ARPP21: variants seen among roughly 807,000 people sequenced by gnomAD.
ARPP21 encodes the protein cAMP regulated phosphoprotein 21.
Under a neutral mutation model 113.2 loss-of-function variants are expected in ARPP21, and 69 were observed. The observed-to-expected ratio is 0.61, with a 90% CI of 0.50 to 0.74. The LOEUF (loss-of-function observed/expected upper bound fraction) is 0.74. Among genes scored for constraint, ARPP21 ranks in the 30% least tolerant of loss-of-function variants. ARPP21 has a pLI of 0.00. For synonymous variants in ARPP21, 368 were observed against 375.5 expected (o/e 0.98, Z 0.23); for missense variants, 1,070 against 1,037.4 (o/e 1.03, Z -0.43).
intron 5 of ARPP21, chr3:35,684,285 G>A: frequency 1.7e-6 from 2 of 1,149,372 alleles, no homozygotes; most frequent in African/African-American, 1.6e-5. Context: ...TAACTTTGGA[G>A]AAATACTTTT....
At chr3:35,776,886 C>G (rs2096386458) in intron 19 of ARPP21, among the ~76,000 whole-genome samples, 1 of 152,120 alleles carries the variant, frequency 6.6e-6, no homozygotes, top group Non-Finnish European at 1.5e-5. Flanking sequence ...TTAGGACCAG[C>G]TTGACCTTCC....
In ARPP21 at chr3:35,667,841, A is replaced by AAAGAAGAAGAAGAAG. The variant is rs757542723; in HGVS notation, c.-212-11911_-212-11897dup. Among the ~76,000 whole-genome samples, 762 of 81,436 alleles carry AAAGAAGAAGAAGAAG rather than the reference A, an allele frequency of 9.4e-3. 39 individuals are homozygous for AAAGAAGAAGAAGAAG. The highest frequency in any genetic ancestry group is 0.038 in the Middle Eastern group (6 of 158). 53.4% of individuals were successfully genotyped at this position (81,436 alleles called of 152,430 possible). ...GATCACCTGCAGTACTTTTATTCTC[A>AAAGAAGAAGAAGAAG]AAGAAGAAGAAGAAGAAGAAGAAGA... On this transcript the variant is annotated intron_variant, in intron 1 of 20. Transcript: ENST00000684406.
intron 1 of ARPP21, among the ~76,000 whole-genome samples, chr3:35,646,555 G>C (rs1014182715): frequency 2.0e-5 from 3 of 152,014 alleles, no homozygotes; most frequent in African/African-American, 7.2e-5. Flanking sequence ...GTGTAAAGAA[G>C]CTTTTGGTTA....
intron 11 of ARPP21, among the ~76,000 whole-genome samples, chr3:35,714,037 A>G (rs1290579813): frequency 6.6e-6 from 1 of 152,218 alleles, no homozygotes; most frequent in African/African-American, 2.4e-5. Context: ...TACTGTAAAG[A>G]GCCCTTCATA....
chr3:35,773,538 T>C (rs2096268149), intron 19 of ARPP21, among the ~76,000 whole-genome samples: 1 of 152,190 alleles, frequency 6.6e-6, no homozygotes, highest in Non-Finnish European at 1.5e-5. Flanking sequence ...TTGCATCCCC[T>C]GAGACATCAT....
intron 19 of ARPP21, among the ~76,000 whole-genome samples, chr3:35,771,526 A>C (rs1239118868): frequency 6.6e-6 from 1 of 152,034 alleles, no homozygotes; most frequent in East Asian, 1.9e-4. Flanking sequence ...ACGGGGTTTC[A>C]CCATGTTGGC....
rs749741790 is a variant in ARPP21, at chr3:35,683,779, T to C, written c.225T>C (p.Ser75=). 3 of 1,556,950 alleles carry C rather than the reference T, an allele frequency of 1.9e-6. No individual in the cohort carries two copies. The highest frequency in any genetic ancestry group is 2.2e-5 in the South Asian group (2 of 89,314). ...GCAGCCTTGCTGTCTGTGAGGAATC[T>C]TCTGCCAGACCAGGAGGTGAAAGTC... ...LTRSLAVCEE[S]SARPGGESLQ... is the part of the protein sequence containing the mutation. The change falls in exon 5 of 21, where the codon TCT becomes TCC. Residue 75 remains serine, a synonymous_variant. Transcript: ENST00000684406.
intron 13 of ARPP21, among the ~76,000 whole-genome samples, chr3:35,719,785 A>G (rs1484896707): frequency 6.6e-6 from 1 of 152,210 alleles, no homozygotes; most frequent in Non-Finnish European, 1.5e-5. Flanking sequence ...TCTATAATAA[A>G]TATTTCAAAT....
chr3:35,738,267 TTTTCC>T lies in ARPP21; in HGVS notation c.1700_1704del (p.Phe567SerfsTer18). The T allele has an allele frequency of 6.5e-7, 1 of 1,535,914 alleles. No individual in the cohort carries two copies. Among genetic ancestry groups the T allele is most frequent in the Non-Finnish European group, 8.7e-7 (1 of 1,146,512 alleles). ...AGTCAGTGCAATATCCAGCAGTCTC[TTTTCC>T]TCCCCAGCACCTCCTACCTGTGTCT... On this transcript the variant is annotated frameshift_variant, in exon 17 of 21. Transcript: ENST00000684406. LOFTEE classifies it high-confidence loss of function.
chr3:35,698,390 T>C (rs34045484), intron 9 of ARPP21, among the ~76,000 whole-genome samples: 6,123 of 151,762 alleles, frequency 0.04, 157 homozygotes, highest in Non-Finnish European at 0.058. Context: ...TATAATTAAC[T>C]ATTTTGAAAA....
At chr3:35,651,893 G>GCCTGAACA (rs2148993863) in intron 1 of ARPP21, 1 of 152,142 alleles carries the variant, frequency 6.6e-6, no homozygotes, top group South Asian at 2.1e-4. Flanking sequence ...GGCATAATTG[G>GCCTGAACA]AATCCGTTTT....
intron 1 of ARPP21, among the ~76,000 whole-genome samples, chr3:35,660,592 G>A (rs1707280852): frequency 6.6e-6 from 1 of 152,158 alleles, no homozygotes; most frequent in South Asian, 2.1e-4. Context: ...GAAAGACAGA[G>A]GAAAGTTGCT....
At chr3:35,758,358 A>G (rs1487032113) in intron 19 of ARPP21, among the ~76,000 whole-genome samples, 1 of 152,074 alleles carries the variant, frequency 6.6e-6, no homozygotes, top group Non-Finnish European at 1.5e-5. Context: ...ATATTTCACA[A>G]TAAACTTTGG....
intron 1 of ARPP21, among the ~76,000 whole-genome samples, chr3:35,673,510 A>G (rs2076828976): frequency 6.6e-6 from 1 of 151,988 alleles, no homozygotes; most frequent in Non-Finnish European, 1.5e-5. Flanking sequence ...TGAAAAGGCA[A>G]TATTAAGGCA....
intron 1 of ARPP21, among the ~76,000 whole-genome samples, chr3:35,647,930 T>G (rs1700863209): frequency 6.6e-6 from 1 of 152,194 alleles, no homozygotes; most frequent in Admixed American, 6.5e-5. Context: ...ACATGGATAT[T>G]ATTCACTTAA....
intron 19 of ARPP21, among the ~76,000 whole-genome samples, chr3:35,767,974 A>C (rs1046622422): frequency 2.0e-5 from 3 of 151,830 alleles, no homozygotes; most frequent in African/African-American, 7.3e-5. Context: ...ACTCACACTT[A>C]CACAGTTTCT....
chr3:35,700,891 G>A (rs1576014714), intron 9 of ARPP21, among the ~76,000 whole-genome samples: 1 of 151,584 alleles, frequency 6.6e-6, no homozygotes, highest in Admixed American at 6.6e-5. Context: ...TGGGGGGCTG[G>A]GGGAGGAATA....
intron 19 of ARPP21, chr3:35,775,163 A>G (rs951145714): frequency 3.3e-5 from 5 of 152,182 alleles, no homozygotes; most frequent in African/African-American, 1.2e-4. Context: ...CCACAACTTA[A>G]TCATTCATTT....
At chr3:35,663,381 C>T (rs1708704543) in intron 1 of ARPP21, among the ~76,000 whole-genome samples, 1 of 152,194 alleles carries the variant, frequency 6.6e-6, no homozygotes, top group Admixed American at 6.5e-5. Context: ...GAAGCCCAGT[C>T]TGGGCGCATA....
Sources: allele counts gnomAD v4.1 joint callset (sites outside exome capture counted in the v4.1 genomes callset), GRCh38; gene constraint gnomAD v4.1.1; transcripts MANE v1.5; gene names NCBI Gene and HGNC (gene_info 2026-07-23, HGNC 2026-07-21).